The following HERC3 variants were observed in gnomAD, a reference collection of about 807,000 sequenced individuals.
HERC3 encodes probable E3 ubiquitin-protein ligase HERC3.
Under a neutral mutation model 129.9 loss-of-function variants are expected in HERC3, and 58 were observed. The ratio of observed to expected loss-of-function variants is 0.45; its 90% CI spans 0.36 to 0.56. The LOEUF is 0.56. Among genes scored for constraint, HERC3 ranks in the 20% least tolerant of loss-of-function variants. The pLI is 0.00. For missense variants in HERC3, 835 were observed against 1,244.2 expected (o/e 0.67, Z 4.95); for synonymous variants, 430 against 451.0 (o/e 0.95, Z 0.59).
rs528106497 is a variant in HERC3 at position 88,636,583 on chromosome 4, C to T, written c.227-13257C>T. Among the ~76,000 whole-genome samples the T allele has an allele frequency of 5.9e-5, 9 of 152,134 alleles. No homozygotes were observed. The South Asian group carries it at 6.2e-4, about 11-fold the overall frequency. On this transcript the variant is annotated intron_variant, in intron 3 of 25. Coordinates refer to ENST00000402738, the MANE Select transcript of HERC3 (RefSeq NM_014606.3). ...CACCCTACTGTCAATGTTAGATCAA[C>T]GAGACAGACAATTAACAAGGATATT...
At chr4:88,527,988 T>C in the HERC3 span, 5 of 276,806 alleles carry the variant, frequency 1.8e-5, no homozygotes, top group Non-Finnish European at 2.9e-5. Flanking sequence ...AGCAAGCATC[T>C]TGCCCCTCAG....
At chr4:88,607,942 CT>C (rs1305195001) in intron 3 of HERC3, among the ~76,000 whole-genome samples, 4 of 152,096 alleles carry the variant, frequency 2.6e-5, no homozygotes, top group African/African-American at 9.7e-5. Flanking sequence ...GTGTTTGCCC[CT>C]TTTTTTGTTA....
chr4:88,562,051 GT>G, the HERC3 span, among the ~76,000 whole-genome samples: 1 of 152,096 alleles, frequency 6.6e-6, no homozygotes, highest in Non-Finnish European at 1.5e-5. Context: ...TCTATTTTTA[GT>G]TTTTTGAGGA....
chr4:88,630,533 G>A (rs980204102), intron 3 of HERC3, among the ~76,000 whole-genome samples: 1 of 152,272 alleles, frequency 6.6e-6, no homozygotes, highest in Non-Finnish European at 1.5e-5. Flanking sequence ...CAAGCAGGCC[G>A]TGGTTGTATG....
At chr4:88,555,265 G>C in the HERC3 span, among the ~76,000 whole-genome samples, 1 of 143,454 alleles carries the variant, frequency 7.0e-6, no homozygotes, top group African/African-American at 2.7e-5. Context: ...CCTGGTGACA[G>C]AGCGAGACTC....
Position 88,653,017 on chromosome 4 carries a change from C to G in HERC3, c.612C>G (p.Ala204=), listed in dbSNP as rs960446112. ...QVAAGGAHSF[A]LSLSGAVFGW... ...CTGCCGGAGGGGCTCACAGCTTTGC[C>G]CTGTCTCTCTCAGGAGCTGTTTTTG... The change falls in exon 6 of 26, where the codon GCC becomes GCG. Residue 204 remains alanine, a synonymous_variant. Transcript: ENST00000402738. 2.5e-6 allele frequency: 4 copies of G among 1,614,220 alleles called. No homozygotes were observed. In the South Asian group the frequency reaches 4.4e-5, roughly 18 times the overall value.
At chr4:88,703,680 G>T (rs1042578449) in intron 23 of HERC3, among the ~76,000 whole-genome samples, 1 of 141,812 alleles carries the variant, frequency 7.1e-6, no homozygotes, top group Non-Finnish European at 1.5e-5. Flanking sequence ...AGTATCAAGT[G>T]GTTTAGCTTT....
chr4:88,616,300 A>G (rs1427008626), intron 3 of HERC3, among the ~76,000 whole-genome samples: 5 of 152,182 alleles, frequency 3.3e-5, no homozygotes, highest in African/African-American at 4.8e-5. Context: ...TCTCTATGCA[A>G]TTGTTACCAT....
intron 3 of HERC3, among the ~76,000 whole-genome samples, chr4:88,621,771 A>G (rs1478451984): frequency 6.6e-6 from 1 of 152,226 alleles, no homozygotes; most frequent in Non-Finnish European, 1.5e-5. Context: ...GGACACAAAT[A>G]TGTTGAATAT....
intron 3 of HERC3, among the ~76,000 whole-genome samples, chr4:88,634,105 G>A (rs537160983): frequency 4.4e-4 from 66 of 149,524 alleles, no homozygotes; most frequent in Admixed American, 1.2e-3. Context: ...GTGGTGCGGC[G>A]GCCCACCTGA....
chr4:88,652,765 T>G, intron 5 of HERC3, 104 bp from the exon 6 acceptor site: 1 of 1,194,158 alleles, frequency 8.4e-7, no homozygotes, highest in Non-Finnish European at 1.2e-6. Flanking sequence ...CTTGGGTGGG[T>G]TTGGTGTTGG....
chr4:88,655,643 A>T (rs576417857), intron 8 of HERC3, among the ~76,000 whole-genome samples: 4 of 152,320 alleles, frequency 2.6e-5, no homozygotes, highest in South Asian at 2.1e-4. Flanking sequence ...CTTAGAGGCC[A>T]CATGCAGTAG....
At chr4:88,704,348 C>T (rs1735580720) in intron 24 of HERC3, 67 bp downstream of exon 24, 14 of 1,520,114 alleles carry the variant, frequency 9.2e-6, no homozygotes, top group Non-Finnish European at 1.2e-5. Context: ...GGAGGTGTTC[C>T]CAGAGCCTGG....
chr4:88,641,675 G>A (rs2149257529), intron 3 of HERC3, among the ~76,000 whole-genome samples: 1 of 152,250 alleles, frequency 6.6e-6, no homozygotes, highest in East Asian at 1.9e-4. Context: ...TCTGACAACA[G>A]TTCTCTCTAT....
intron 6 of HERC3, among the ~76,000 whole-genome samples, chr4:88,653,807 C>T (rs1040906164): frequency 1.3e-5 from 2 of 152,066 alleles, no homozygotes; most frequent in East Asian, 1.9e-4. Context: ...TGGGGAAAAC[C>T]GTGTGTAGTA....
At chr4:88,629,485 T>C (rs894185406) in intron 3 of HERC3, among the ~76,000 whole-genome samples, 1 of 152,248 alleles carries the variant, frequency 6.6e-6, no homozygotes, top group Admixed American at 6.5e-5. Flanking sequence ...TTTCATTTTA[T>C]AGGATATAAT....
At chr4:88,603,753 CTT>C (rs1450217606) in intron 2 of HERC3, among the ~76,000 whole-genome samples, 3 of 152,208 alleles carry the variant, frequency 2.0e-5, no homozygotes, top group Non-Finnish European at 4.4e-5. Flanking sequence ...AGCTTCCCCT[CTT>C]ATGTCTTTGT....
the HERC3 span, among the ~76,000 whole-genome samples, chr4:88,569,813 C>A: frequency 6.6e-6 from 1 of 152,212 alleles, no homozygotes; most frequent in African/African-American, 2.4e-5. Context: ...TCCAGGTTGC[C>A]TGTTCTTTGG....
At chr4:88,680,296 A>G (rs1177641407) in intron 20 of HERC3, 60 bp downstream of exon 20, 1 of 1,338,000 alleles carries the variant, frequency 7.5e-7, no homozygotes, top group Non-Finnish European at 1.0e-6. Context: ...TTTTGTTGTC[A>G]GACCAATCCC....
Sources: allele counts gnomAD v4.1 joint callset (sites outside exome capture counted in the v4.1 genomes callset), GRCh38; gene constraint gnomAD v4.1.1; transcripts MANE v1.5; gene names NCBI Gene and HGNC (gene_info 2026-07-23, HGNC 2026-07-21).